The following SIPA1L1 variants were observed in gnomAD, a reference collection of about 807,000 sequenced individuals.
SIPA1L1 encodes the protein signal-induced proliferation-associated 1-like protein 1.
SIPA1L1 carries 26 observed loss-of-function variants against 162.7 expected under a neutral mutation model. The observed-to-expected ratio is 0.16, with a 90% CI of 0.12 to 0.22. SIPA1L1 has a LOEUF of 0.22. SIPA1L1 is among the 10% of genes least tolerant of loss of function. The pLI is 1.00. For synonymous variants in SIPA1L1, 829 were observed against 837.4 expected (o/e 0.99, Z 0.17); for missense variants, 1,874 against 2,241.0 (o/e 0.84, Z 3.31).
chr14:71,701,339 G>C lies in SIPA1L1; in HGVS notation c.3522-1042G>C, dbSNP rs117575463. On this transcript the variant is annotated intron_variant, in intron 14 of 23. Coordinates refer to ENST00000381232, the MANE Select transcript of SIPA1L1 (RefSeq NM_001386936.1). Reference sequence around the variant, plus strand: ...CATCTCAAGCCATCCTCCCACCTCAGCCTCCTGAGTAGCTGGGACTGTAGT... The same window carrying C: ...CATCTCAAGCCATCCTCCCACCTCACCCTCCTGAGTAGCTGGGACTGTAGT... 5.3e-5 allele frequency among the ~76,000 whole-genome samples: 8 copies of C among 150,818 alleles called. No homozygotes were observed. The East Asian group carries it at 1.2e-3, about 22-fold the overall frequency.
intron 8 of SIPA1L1, among the ~76,000 whole-genome samples, chr14:71,654,673 A>G (rs1031558520): frequency 2.0e-5 from 3 of 152,194 alleles, no homozygotes; most frequent in African/African-American, 4.8e-5. Context: ...ATTGTCAAGG[A>G]GGCAGATCAT....
chr14:71,653,626 A>G (rs1452511732), intron 8 of SIPA1L1, among the ~76,000 whole-genome samples: 1 of 152,104 alleles, frequency 6.6e-6, no homozygotes, highest in East Asian at 1.9e-4. Flanking sequence ...CTCAAGGATC[A>G]CTATCCAAGG....
chr14:71,359,890 A>T (rs903458185), intron 2 of SIPA1L1, among the ~76,000 whole-genome samples: 1 of 152,228 alleles, frequency 6.6e-6, no homozygotes, highest in African/African-American at 2.4e-5. Context: ...GCATACAGAG[A>T]TTCTCAGATA....
intron 17 of SIPA1L1, among the ~76,000 whole-genome samples, chr14:71,713,157 T>C (rs769619730): frequency 6.6e-6 from 1 of 152,062 alleles, no homozygotes; most frequent in Non-Finnish European, 1.5e-5. Context: ...GAGTTAGAGG[T>C]CAATCTGGGC....
intron 5 of SIPA1L1, among the ~76,000 whole-genome samples, chr14:71,599,205 C>T (rs1238697509): frequency 7.7e-6 from 1 of 129,154 alleles, no homozygotes; most frequent in Non-Finnish European, 1.5e-5. Context: ...GGCTGGAGTG[C>T]AATGGCACGA....
intron 22 of SIPA1L1, among the ~76,000 whole-genome samples, chr14:71,736,951 G>GT (rs1566769122): frequency 6.6e-6 from 1 of 152,194 alleles, no homozygotes; most frequent in African/African-American, 2.4e-5. Flanking sequence ...CCCCAGCCTC[G>GT]TTGTGTCTGT....
At chr14:71,390,374 C>T (rs941245950) in intron 2 of SIPA1L1, among the ~76,000 whole-genome samples, 1 of 151,998 alleles carries the variant, frequency 6.6e-6, no homozygotes, top group Non-Finnish European at 1.5e-5. Context: ...GGAGAGGCAG[C>T]CATACTCTTG....
chr14:71,596,153 G>A (rs1427372783), intron 5 of SIPA1L1, among the ~76,000 whole-genome samples: 1 of 152,204 alleles, frequency 6.6e-6, no homozygotes, highest in African/African-American at 2.4e-5. Flanking sequence ...AAAGGAAAGA[G>A]GAGACAAAGG....
At chr14:71,393,327 A>G (rs78448971) in intron 2 of SIPA1L1, among the ~76,000 whole-genome samples, 3,295 of 152,348 alleles carry the variant, frequency 0.022, 116 homozygotes, top group African/African-American at 0.075. Context: ...GTAAAGAAAG[A>G]TGATATTAAT....
rs200314810 is a variant in SIPA1L1, at chr14:71,733,654, C to T, written c.4862-12C>T. The T allele has an allele frequency of 3.7e-6, 6 of 1,612,310 alleles. No homozygotes were observed. The African/African-American group carries it at 4.0e-5, about 11-fold the overall frequency. ...GCACAAGAAGCATCTCATTCCTCCT[C>T]CCTTCCCGCAGGAGAGTTCTCAGCC... On this transcript the variant is annotated splice_polypyrimidine_tract_variant and intron_variant, in intron 20 of 23. Transcript: ENST00000381232.
At chr14:71,383,311 T>C (rs1236368592) in intron 2 of SIPA1L1, among the ~76,000 whole-genome samples, 1 of 152,198 alleles carries the variant, frequency 6.6e-6, no homozygotes, top group African/African-American at 2.4e-5. Context: ...TCTTACTTGC[T>C]ATGTTATACT....
rs1264750568 is a variant in SIPA1L1 at position 71,618,774 on chromosome 14, G to C, written c.1516G>C (p.Gly506Arg). ...TACCTAAGAACACTGGAACTATTTT[G>C]GGGCTGATGAGAATCTTGGTCCAGT... The part of the protein sequence containing the change: ...FYQKEHWNYF[G>R]ADENLGPVAV... Residue 506 changes from glycine to arginine, a missense_variant, in exon 6 of 24, where the codon GGG becomes CGG. This residue lies in a region of SIPA1L1 where 685 missense variants were observed against 828.0 expected (regional missense o/e 0.83). Coordinates refer to ENST00000381232, the MANE Select transcript of SIPA1L1 (RefSeq NM_001386936.1). 6.2e-7 allele frequency: 1 copy of C among 1,613,546 alleles called. No homozygotes were observed. Among genetic ancestry groups the C allele is most frequent in the African/African-American group, 1.3e-5 (1 of 74,898 alleles).
chr14:71,382,244 C>T (rs1351196416), intron 2 of SIPA1L1, among the ~76,000 whole-genome samples: 1 of 152,130 alleles, frequency 6.6e-6, no homozygotes, highest in Admixed American at 6.5e-5. Context: ...GGGAGAAAGG[C>T]GCTAAAGCTA....
chr14:71,546,539 G>A (rs980427718), intron 4 of SIPA1L1, among the ~76,000 whole-genome samples: 22 of 151,816 alleles, frequency 1.4e-4, no homozygotes, highest in Non-Finnish European at 2.2e-4. Flanking sequence ...ACGCCATCAC[G>A]CCTGGCTAAT....
At chr14:71,340,262 T>A (rs2035513656) in intron 2 of SIPA1L1, among the ~76,000 whole-genome samples, 1 of 152,176 alleles carries the variant, frequency 6.6e-6, no homozygotes, top group African/African-American at 2.4e-5. Flanking sequence ...TTCGTATCTT[T>A]AACAATGATC....
intron 4 of SIPA1L1, among the ~76,000 whole-genome samples, chr14:71,583,462 G>C (rs1000896242): frequency 6.6e-6 from 1 of 152,158 alleles, no homozygotes; most frequent in African/African-American, 2.4e-5. Flanking sequence ...GAATGTGGAA[G>C]TATTTTATGA....
At chr14:71,596,994 C>T (rs1431654104) in intron 5 of SIPA1L1, among the ~76,000 whole-genome samples, 1 of 151,964 alleles carries the variant, frequency 6.6e-6, no homozygotes, top group Admixed American at 6.6e-5. Flanking sequence ...TGTTTTTAGA[C>T]AGGGTCTTCC....
chr14:71,464,348 A>G (rs184856513), intron 2 of SIPA1L1, among the ~76,000 whole-genome samples: 11 of 152,326 alleles, frequency 7.2e-5, no homozygotes, highest in African/African-American at 2.4e-4. Context: ...TGCAACATTA[A>G]AAGCAGAGTC....
intron 4 of SIPA1L1, among the ~76,000 whole-genome samples, chr14:71,579,409 A>C (rs1161744231): frequency 6.6e-6 from 1 of 152,116 alleles, no homozygotes; most frequent in Non-Finnish European, 1.5e-5. Context: ...CCCTGTTCAA[A>C]CCTGTGTTGT....
Sources: allele counts gnomAD v4.1 joint callset (sites outside exome capture counted in the v4.1 genomes callset), GRCh38; gene constraint gnomAD v4.1.1; regional missense constraint gnomAD v4.1.1; transcripts MANE v1.5; gene names NCBI Gene and HGNC (gene_info 2026-07-23, HGNC 2026-07-21).